AUTS2: variants seen among roughly 807,000 people sequenced by gnomAD.
The protein encoded by AUTS2 is autism susceptibility gene 2 protein.
AUTS2 carries 17 observed loss-of-function variants against 112.4 expected under a neutral mutation model. That is an observed-to-expected ratio of 0.15 (90% CI 0.10 to 0.23). The LOEUF (loss-of-function observed/expected upper bound fraction) is 0.23, where lower values mean the gene tolerates loss of function less well. AUTS2 is among the 10% of genes least tolerant of loss of function. The pLI, the probability that AUTS2 is intolerant of heterozygous loss-of-function variation, is 1.00. For synonymous variants in AUTS2, 751 were observed against 702.7 expected (o/e 1.07, Z -1.09); for missense variants, 1,510 against 1,701.6 (o/e 0.89, Z 1.98).
intron 14 of AUTS2, among the ~76,000 whole-genome samples, chr7:70,779,075 G>A (rs1477479155): frequency 2.0e-5 from 3 of 152,068 alleles, no homozygotes; most frequent in African/African-American, 7.2e-5. Context: ...TTGCTTCATG[G>A]CCCTAAGTTG....
chr7:70,628,278 A>G (rs1805057611), intron 5 of AUTS2, among the ~76,000 whole-genome samples: 1 of 116,040 alleles, frequency 8.6e-6, no homozygotes, highest in South Asian at 2.9e-4. Flanking sequence ...GGGAGGGGCC[A>G]CATGTTGGGC....
At chr7:70,129,933 G>A (rs1806185823) in intron 3 of AUTS2, among the ~76,000 whole-genome samples, 1 of 150,056 alleles carries the variant, frequency 6.7e-6, no homozygotes, top group South Asian at 2.1e-4. Flanking sequence ...GTGTGTGTTT[G>A]GTCGGCTATT....
At chr7:70,552,881 A>G (rs1320991542) in intron 5 of AUTS2, among the ~76,000 whole-genome samples, 2 of 152,232 alleles carry the variant, frequency 1.3e-5, no homozygotes, top group Non-Finnish European at 2.9e-5. Context: ...ATTTTCCAGC[A>G]CAAACACTTT....
chr7:70,124,852 C>T (rs778378380), intron 3 of AUTS2, among the ~76,000 whole-genome samples: 16 of 152,178 alleles, frequency 1.1e-4, no homozygotes, highest in East Asian at 1.9e-4. Context: ...TGAGCCACCG[C>T]GCCCAGCCCA....
chr7:70,002,496 C>G (rs1391798227), intron 2 of AUTS2, among the ~76,000 whole-genome samples: 4 of 152,024 alleles, frequency 2.6e-5, no homozygotes, highest in African/African-American at 4.8e-5. Context: ...CTTCTTGGGT[C>G]ATAAATATGG....
intron 2 of AUTS2, among the ~76,000 whole-genome samples, chr7:70,044,165 G>T (rs111299244): frequency 2.6e-5 from 4 of 152,266 alleles, no homozygotes; most frequent in African/African-American, 9.6e-5. Context: ...CCTGCCGCTG[G>T]AGAGGTGTTG....
chr7:70,225,707 T>C (rs559995189), intron 4 of AUTS2, among the ~76,000 whole-genome samples: 1 of 152,288 alleles, frequency 6.6e-6, no homozygotes, highest in East Asian at 1.9e-4. Flanking sequence ...TTATATAAAT[T>C]ATTAACTTAA....
rs967274240 is a variant in AUTS2, at chr7:70,631,278, C to G, written c.691-67291C>G. Among the ~76,000 whole-genome samples, 5 of 152,160 alleles carry G rather than the reference C, an allele frequency of 3.3e-5. No homozygotes were observed. ...AATACTTTACAGCAGGGCTGGGGCC[C>G]GGCTTGCTGCGGGCTGGCCGGGCTG... On this transcript the variant is annotated intron_variant, in intron 5 of 18. Transcript: ENST00000342771. The surrounding 1 kb of genome is among the most constrained non-coding windows in gnomAD (Gnocchi z 4.5).
At chr7:70,681,093 C>G (rs577714779) in intron 5 of AUTS2, among the ~76,000 whole-genome samples, 2 of 152,232 alleles carry the variant, frequency 1.3e-5, no homozygotes, top group African/African-American at 4.8e-5. Flanking sequence ...GATCCACACT[C>G]GCTTCCCTGT....
chr7:70,137,659 A>G (rs1766349532), intron 4 of AUTS2, among the ~76,000 whole-genome samples: 2 of 152,168 alleles, frequency 1.3e-5, no homozygotes, highest in African/African-American at 4.8e-5. Context: ...CTCTGAGTCT[A>G]TTTCCTTATC....
At chr7:70,437,095 T>C (rs553144686) in intron 5 of AUTS2, 1 of 152,480 alleles carries the variant, frequency 6.6e-6, no homozygotes, top group African/African-American at 2.4e-5. Context: ...ATTATCCATG[T>C]CATTTTAAAC....
chr7:70,122,286 A>T (rs79551362), intron 3 of AUTS2, among the ~76,000 whole-genome samples: 2 of 152,192 alleles, frequency 1.3e-5, no homozygotes, highest in African/African-American at 4.8e-5. Context: ...CAGTTGCTCA[A>T]TGTTTTGAAT....
chr7:69,786,810 AT>A (rs2129320491), intron 1 of AUTS2, among the ~76,000 whole-genome samples: 1 of 152,332 alleles, frequency 6.6e-6, no homozygotes, highest in Admixed American at 6.5e-5. Flanking sequence ...GACAGTCAGA[AT>A]TTTATTTTAT....
intron 4 of AUTS2, among the ~76,000 whole-genome samples, chr7:70,232,068 C>A (rs1812085458): frequency 6.6e-6 from 1 of 152,176 alleles, no homozygotes; most frequent in Non-Finnish European, 1.5e-5. Flanking sequence ...CCACTGCATC[C>A]AGCCTATAAT....
At chr7:70,335,585 T>C (rs1425748619) in intron 4 of AUTS2, among the ~76,000 whole-genome samples, 1 of 152,224 alleles carries the variant, frequency 6.6e-6, no homozygotes, top group Non-Finnish European at 1.5e-5. Flanking sequence ...TTGGTACAAA[T>C]GTTAATGGCT....
intron 4 of AUTS2, among the ~76,000 whole-genome samples, chr7:70,283,609 T>G (rs1315120868): frequency 6.6e-6 from 1 of 152,204 alleles, no homozygotes. Context: ...AAAGTATACT[T>G]CTATTTGGTT....
intron 2 of AUTS2, among the ~76,000 whole-genome samples, chr7:69,947,650 A>G (rs1210375624): frequency 6.6e-6 from 1 of 152,216 alleles, no homozygotes; most frequent in Non-Finnish European, 1.5e-5. Context: ...GTTTCGGGCC[A>G]TGAAACAAGT....
chr7:70,633,384 G>C (rs1330439343), intron 5 of AUTS2, among the ~76,000 whole-genome samples: 1 of 152,152 alleles, frequency 6.6e-6, no homozygotes, highest in Admixed American at 6.5e-5. Flanking sequence ...TTGGGAAGCC[G>C]AGGTAGGTGG....
chr7:70,117,709 T>C (rs1335351802), intron 2 of AUTS2, among the ~76,000 whole-genome samples: 1 of 152,150 alleles, frequency 6.6e-6, no homozygotes. Context: ...ATTCAGAAAC[T>C]GAGAAGAATA....
Sources: gnomAD v4.1 joint callset for allele counts (sites outside exome capture counted in the v4.1 genomes callset) on GRCh38, gnomAD v4.1.1 for gene constraint, Gnocchi (gnomAD v3.1) non-coding constraint, MANE v1.5 for transcripts, NCBI Gene and HGNC (gene_info 2026-07-23, HGNC 2026-07-21) for gene names.